BLCAP: variants seen among roughly 807,000 people sequenced by gnomAD.
The protein encoded by BLCAP is apoptosis inducing factor BLCAP.
BLCAP carries 1 observed loss-of-function variant against 5.7 expected under a neutral mutation model. The ratio of observed to expected loss-of-function variants is 0.18; its 90% CI spans 0.06 to 0.83. The LOEUF (loss-of-function observed/expected upper bound fraction) is 0.83. Ranked by LOEUF, BLCAP falls within the 40% of genes least tolerant of loss-of-function variation. The probability of loss-of-function intolerance (pLI) is 0.71; values close to 1 mark genes in which losing one functional copy is unlikely to be tolerated. For synonymous variants in BLCAP, 48 were observed against 49.4 expected, an observed-to-expected ratio of 0.97 and a Z score of 0.11; for missense variants, 66 against 107.6, an observed-to-expected ratio of 0.61 and a Z score of 1.71.
intron 1 of BLCAP, among the ~76,000 whole-genome samples, chr20:37,525,799 G>T (rs1336190530): frequency 6.6e-6 from 1 of 152,218 alleles, no homozygotes; most frequent in African/African-American, 2.4e-5. Context: ...TTACTGCACA[G>T]CCCTTAGTCA....
In BLCAP at chr20:37,518,987, C is replaced by T. The variant is rs763786331; in HGVS notation, c.188G>A (p.Gly63Glu). 6.2e-7 allele frequency: 1 copy of T among 1,614,214 alleles called. No individual in the cohort carries two copies. Among genetic ancestry groups the T allele is most frequent in the Admixed American group, 1.7e-5 (1 of 60,026 alleles). Residue 63 changes from glycine (G) to glutamate (E), a missense_variant, in exon 2 of 2, where the codon GGA (glycine) becomes GAA (glutamate). Gly to Glu is a moderately conservative substitution (Grantham distance 98). Coordinates refer to ENST00000373537, the MANE Select transcript of BLCAP (RefSeq NM_006698.4). ...GGAGCAGTGGTACAGGAAACAGTTT[C>T]CCCAGCAGCTATAGCAGATAAGGAA... is the stretch of plus-strand genomic sequence containing the variant. The part of the protein sequence containing the change: ...ALFLICYSCW[G>E]NCFLYHCSDS...
chr20:37,522,598 G>GGGGCGCC, intron 1 of BLCAP: 1 of 864,470 alleles, frequency 1.2e-6, no homozygotes, highest in Admixed American at 2.4e-5. Flanking sequence ...GCGGGGGTGG[G>GGGGCGCC]CACGGCAGCA....
chr20:37,526,222 T>A (rs2071715479), intron 1 of BLCAP, among the ~76,000 whole-genome samples: 2 of 151,968 alleles, frequency 1.3e-5, no homozygotes, highest in South Asian at 4.2e-4. Flanking sequence ...AATGTGTATC[T>A]CCTCAGGAGC....
At position 37,522,889 on chromosome 20, in the gene BLCAP, G is replaced by C. The variant is rs1273268103; in HGVS notation, c.-176-3539C>G. ...CCTCGCCAGAGGAGCACTTGGCAAG[G>C]TCAGTGAGGGGCCAGTAGACCCCCG... On this transcript the variant is annotated intron_variant, in intron 1 of 1. Transcript: ENST00000373537. 4 of 737,314 alleles carry C rather than the reference G, an allele frequency of 5.4e-6. No homozygotes were observed. In the African/African-American group the frequency reaches 7.1e-5, roughly 13 times the overall value. The allele number at this position is 737,314 out of a possible 1,614,324, so 45.7% of individuals were successfully genotyped here.
In BLCAP at chr20:37,519,008, A is replaced by G. The variant is rs757227112; in HGVS notation, c.167T>C (p.Leu56Pro). The stretch of plus-strand genomic sequence containing the variant: ...GTTTCCCCAGCAGCTATAGCAGATA[A>G]GGAACAGGGCTGCCAGGAAAACCAA... ...CALVFLAALF[L>P]ICYSCWGNCF... is the part of the protein sequence containing the mutation. Residue 56 changes from leucine to proline, a missense_variant, in exon 2 of 2, where the codon CTT becomes CCT. Physicochemically the swap from Leu to Pro is moderately conservative, Grantham distance 98. Coordinates refer to ENST00000373537, the MANE Select transcript of BLCAP (RefSeq NM_006698.4). 6.2e-7 allele frequency: 1 copy of G among 1,614,238 alleles called. No individual in the cohort carries two copies.
chr20:37,525,294 C>T (rs941573854), intron 1 of BLCAP, among the ~76,000 whole-genome samples: 11 of 152,228 alleles, frequency 7.2e-5, no homozygotes, highest in Admixed American at 2.0e-4. Flanking sequence ...ATGCTCTAAC[C>T]TCAGCCCAAG....
chr20:37,522,392 T>A (rs760913041), intron 1 of BLCAP: 11 of 1,614,056 alleles, frequency 6.8e-6, no homozygotes, highest in Non-Finnish European at 9.3e-6. Flanking sequence ...TGGGTAGGAT[T>A]CGCTTTTCGA....
intron 1 of BLCAP, chr20:37,522,861 T>G: frequency 4.8e-6 from 5 of 1,048,118 alleles, no homozygotes; most frequent in East Asian, 5.4e-5. Context: ...GTCCCCTGTG[T>G]TCCCTCGCCA....
chr20:37,526,187 G>C lies in BLCAP; in HGVS notation c.-177+1606C>G, dbSNP rs570746267. On this transcript the variant is annotated intron_variant, in intron 1 of 1. Transcript: ENST00000373537. ...GGATCGGGGAGCAGGTTTGCTGTGA[G>C]CCATTTACTAGATATCTATTTTGAA... is the stretch of plus-strand genomic sequence containing the variant. 1.9e-4 allele frequency among the ~76,000 whole-genome samples: 29 copies of C among 152,160 alleles called. No homozygotes were observed. The East Asian group carries it at 5.6e-3, about 29-fold the overall frequency.
At position 37,518,961 on chromosome 20, in the gene BLCAP, C is replaced by T. The variant is rs767158326; in HGVS notation, c.214G>A (p.Asp72Asn). Reference protein sequence around the residue: ...WGNCFLYHCSDSPLPESAHDP... With the variant: ...WGNCFLYHCSNSPLPESAHDP... ...TGCGCCGATTCTGGAAGCGGGGAAT[C>T]GGAGCAGTGGTACAGGAAACAGTTT... The change falls in exon 2 of 2, where the codon GAT (aspartate) becomes AAT (asparagine). Residue 72 changes from aspartate (D) to asparagine (N), a missense_variant. Transcript: ENST00000373537. 18 of 1,614,072 alleles carry T rather than the reference C, an allele frequency of 1.1e-5. 1 individual carries two copies. In the South Asian group the frequency reaches 1.6e-4, roughly 15 times the overall value.
At chr20:37,519,710 G>A (rs945492766) in intron 1 of BLCAP, among the ~76,000 whole-genome samples, 5 of 152,310 alleles carry the variant, frequency 3.3e-5, no homozygotes, top group African/African-American at 7.2e-5. Flanking sequence ...CCGTCCTCAA[G>A]GGGCCCAGAC....
chr20:37,522,837 C>A, intron 1 of BLCAP: 3 of 1,354,778 alleles, frequency 2.2e-6, no homozygotes, highest in Non-Finnish European at 3.0e-6. Context: ...GCCAGTGCCG[C>A]GCAGGAATGT....
At chr20:37,527,413 G>T (rs1277087534) in intron 1 of BLCAP, among the ~76,000 whole-genome samples, 1 of 137,254 alleles carries the variant, frequency 7.3e-6, no homozygotes, top group Non-Finnish European at 1.5e-5. Context: ...GGGACAGAAT[G>T]ACAGGCCTCT....
chr20:37,521,258 C>CA lies in BLCAP; in HGVS notation c.-176-1909dup. 6.6e-7 allele frequency: 1 copy of CA among 1,515,170 alleles called. No homozygotes were observed. The highest frequency in any genetic ancestry group is 9.2e-7 in the Non-Finnish European group (1 of 1,090,998). The allele number at this position is 1,515,170 out of a possible 1,614,324, so 93.9% of individuals were successfully genotyped here. A position where few individuals can be genotyped will look rare whatever the true frequency, so the allele number is the denominator to read the frequency against. ...GCCACCGCGGCTGCGGCAGTGCGCCCAACAGCGGACTCCGAGACCAGCGGA... is the reference window on the plus strand; with the variant it reads ...GCCACCGCGGCTGCGGCAGTGCGCCCAAACAGCGGACTCCGAGACCAGCGGA... On this transcript the variant is annotated intron_variant, in intron 1 of 1. Coordinates refer to ENST00000373537, the MANE Select transcript of BLCAP (RefSeq NM_006698.4). The surrounding 1 kb of genome is among the most constrained non-coding windows in gnomAD (Gnocchi z 4.5).
In BLCAP at chr20:37,522,872, G is replaced by C. The variant is rs910447109; in HGVS notation, c.-176-3522C>G. ...TGGGGTCCCCTGTGTTCCCTCGCCA[G>C]AGGAGCACTTGGCAAGGTCAGTGAG... On this transcript the variant is annotated intron_variant, in intron 1 of 1. Coordinates refer to ENST00000373537, the MANE Select transcript of BLCAP (RefSeq NM_006698.4). The C allele has an allele frequency of 4.2e-6, 4 of 948,604 alleles. No individual in the cohort carries two copies. The East Asian group carries it at 8.1e-5, about 19-fold the overall frequency. 58.8% of individuals were successfully genotyped at this position (948,604 alleles called of 1,614,324 possible).
chr20:37,519,756 C>T (rs1054664248), intron 1 of BLCAP, among the ~76,000 whole-genome samples: 10 of 152,218 alleles, frequency 6.6e-5, no homozygotes, highest in Admixed American at 5.9e-4. Flanking sequence ...AAAGGACGAC[C>T]AAGGGCTCCC....
Position 37,521,103 on chromosome 20 carries a change from T to G in BLCAP, c.-176-1753A>C. The G allele has an allele frequency of 1.8e-6, 1 of 566,006 alleles. No individual in the cohort carries two copies. The highest frequency in any genetic ancestry group is 3.0e-5 in the East Asian group (1 of 33,020). 35.1% of individuals were successfully genotyped at this position (566,006 alleles called of 1,614,324 possible). On this transcript the variant is annotated intron_variant, in intron 1 of 1. Transcript: ENST00000373537. The surrounding 1 kb of genome is among the most constrained non-coding windows in gnomAD (Gnocchi z 4.5). ...ATGGAACTCAGGAGGCGGGGGTCGG[T>G]ATGGAAAGAGCAGATGGATTATTTT...
intron 1 of BLCAP, chr20:37,523,138 C>T (rs1457416628): frequency 2.0e-5 from 4 of 197,298 alleles, no homozygotes; most frequent in African/African-American, 2.3e-5. Context: ...ATCAAAACAC[C>T]GCACCAGCCA....
intron 1 of BLCAP, among the ~76,000 whole-genome samples, chr20:37,525,366 GGACAC>G (rs2071700638): frequency 6.6e-6 from 1 of 152,184 alleles, no homozygotes; most frequent in Non-Finnish European, 1.5e-5. Context: ...TGGCTGCTCT[GGACAC>G]AGCACCTCTT....
Sources: allele counts gnomAD v4.1 joint callset (sites outside exome capture counted in the v4.1 genomes callset), GRCh38; gene constraint gnomAD v4.1.1; non-coding constraint Gnocchi (gnomAD v3.1); transcripts MANE v1.5; gene names NCBI Gene and HGNC (gene_info 2026-07-23, HGNC 2026-07-21).